The following SLC9A9 variants were observed in gnomAD, a reference collection of about 807,000 sequenced individuals.
SLC9A9 encodes the protein sodium/hydrogen exchanger 9.
Under a neutral mutation model 77.8 loss-of-function variants are expected in SLC9A9, and 62 were observed. The observed-to-expected ratio is 0.80, with a 90% confidence interval of 0.65 to 0.98. The LOEUF (loss-of-function observed/expected upper bound fraction) is 0.98, where lower values mean the gene tolerates loss of function less well. SLC9A9 is among the 50% of genes least tolerant of loss of function. SLC9A9 has a pLI of 0.00. For missense variants in SLC9A9, 775 were observed against 774.9 expected, an observed-to-expected ratio of 1.00 and a Z score of 0.00; for synonymous variants, 320 against 283.5, an observed-to-expected ratio of 1.13 and a Z score of -1.29.
chr3:143,646,922 G>C (rs1470504369), intron 6 of SLC9A9, among the ~76,000 whole-genome samples: 2 of 151,996 alleles, frequency 1.3e-5, no homozygotes, highest in African/African-American at 4.8e-5. Flanking sequence ...GGTTTAATTT[G>C]TTTTACTTCA....
intron 4 of SLC9A9, among the ~76,000 whole-genome samples, chr3:143,722,356 C>T (rs994002937): frequency 6.6e-6 from 1 of 150,636 alleles, no homozygotes; most frequent in African/African-American, 2.4e-5. Flanking sequence ...ACCTGTAGTC[C>T]CAGTTACCCG....
intron 13 of SLC9A9, among the ~76,000 whole-genome samples, chr3:143,369,284 T>C (rs2032988312): frequency 6.6e-6 from 1 of 152,194 alleles, no homozygotes; most frequent in Admixed American, 6.5e-5. Context: ...TATTTTTTCC[T>C]TTAAAACATG....
rs115271829 is a variant in SLC9A9 at position 143,810,386 on chromosome 3, C to T, written c.379-13483G>A. Among the ~76,000 whole-genome samples the T allele has an allele frequency of 9.1e-3, 1,392 of 152,314 alleles. 20 individuals are homozygous for T. The highest frequency in any genetic ancestry group is 0.031 in the African/African-American group (1,305 of 41,560). ...ACTAAATAAATAATCACTAAAACAA[C>T]CATCCTAGTGAGGGATTGTGATTTA... On this transcript the variant is annotated intron_variant, in intron 2 of 15. Transcript: ENST00000316549.
chr3:143,840,229 T>TATAAGATAGTA (rs71140456), intron 1 of SLC9A9, among the ~76,000 whole-genome samples: 134,969 of 151,656 alleles, frequency 0.89, 61,282 homozygotes, highest in South Asian at 0.99. Context: ...AGCATTGTCA[T>TATAAGATAGTA]ATAAGATAGT....
At chr3:143,516,228 T>G (rs1422370604) in intron 9 of SLC9A9, among the ~76,000 whole-genome samples, 1 of 142,496 alleles carries the variant, frequency 7.0e-6, no homozygotes, top group Non-Finnish European at 1.6e-5. Context: ...CTTATAGCAT[T>G]GCTTATTTTT....
chr3:143,586,234 C>G (rs550790491), intron 6 of SLC9A9, among the ~76,000 whole-genome samples: 4 of 152,354 alleles, frequency 2.6e-5, no homozygotes, highest in African/African-American at 9.6e-5. Flanking sequence ...GCTGGGGAGA[C>G]TTGCTGCTCT....
intron 1 of SLC9A9, among the ~76,000 whole-genome samples, chr3:143,840,677 C>T (rs2009684419): frequency 6.6e-6 from 1 of 152,204 alleles, no homozygotes; most frequent in Admixed American, 6.5e-5. Context: ...ATTTCAGAGG[C>T]TTCAAGGTAG....
At chr3:143,313,559 T>C (rs2031095858) in intron 14 of SLC9A9, among the ~76,000 whole-genome samples, 1 of 152,220 alleles carries the variant, frequency 6.6e-6, no homozygotes, top group Non-Finnish European at 1.5e-5. Flanking sequence ...GATTTCTTTA[T>C]GATCCCTTGC....
chr3:143,746,297 A>T (rs1046921481), intron 4 of SLC9A9, among the ~76,000 whole-genome samples: 10 of 152,168 alleles, frequency 6.6e-5, no homozygotes, highest in African/African-American at 2.4e-4. Context: ...CCGGCAGTTC[A>T]TTTATTCAAA....
chr3:143,665,508 AC>A (rs1288051637), intron 5 of SLC9A9, among the ~76,000 whole-genome samples: 1 of 152,230 alleles, frequency 6.6e-6, no homozygotes, highest in African/African-American at 2.4e-5. Flanking sequence ...AGATAGAGAC[AC>A]AAAAAACCCT....
chr3:143,391,674 C>A (rs116415925), intron 12 of SLC9A9, among the ~76,000 whole-genome samples: 9,124 of 152,086 alleles, frequency 0.06, 414 homozygotes, highest in African/African-American at 0.13. Context: ...GGAAGTTTGA[C>A]CCCCTGGCAA....
At chr3:143,515,272 C>G (rs1238226638) in intron 9 of SLC9A9, among the ~76,000 whole-genome samples, 1 of 152,066 alleles carries the variant, frequency 6.6e-6, no homozygotes, top group Non-Finnish European at 1.5e-5. Flanking sequence ...GATGACAGCT[C>G]ATCATAACAC....
chr3:143,848,152 C>T lies in SLC9A9; in HGVS notation c.171G>A (p.Val57=). Residue 57 remains valine, a synonymous_variant, in exon 1 of 16, where the codon GTG becomes GTA. Transcript: ENST00000316549. ...RFLHETGGAM[V]YGLIMGLILR... ...TCTCACAATTTATGCACTCACCATA[C>T]ACCATTGCTCCTCCAGTTTCATGCA... The T allele has an allele frequency of 6.2e-7, 1 of 1,613,474 alleles. No homozygotes were observed. The highest frequency in any genetic ancestry group is 1.1e-5 in the South Asian group (1 of 91,072).
intron 14 of SLC9A9, among the ~76,000 whole-genome samples, chr3:143,357,466 T>C (rs892952492): frequency 6.6e-6 from 1 of 152,160 alleles, no homozygotes; most frequent in African/African-American, 2.4e-5. Flanking sequence ...TCCTGCTTGC[T>C]ACTGAAAGTA....
intron 4 of SLC9A9, among the ~76,000 whole-genome samples, chr3:143,770,847 C>A (rs1301031534): frequency 2.0e-5 from 3 of 151,906 alleles, no homozygotes; most frequent in Admixed American, 1.3e-4. Context: ...AGGTAAAGCA[C>A]AAAAAGACAA....
intron 4 of SLC9A9, among the ~76,000 whole-genome samples, chr3:143,716,711 A>T (rs979384304): frequency 6.6e-6 from 1 of 152,214 alleles, no homozygotes; most frequent in South Asian, 2.1e-4. Context: ...AAAACAAAAC[A>T]AATCAATCCT....
intron 4 of SLC9A9, among the ~76,000 whole-genome samples, chr3:143,725,283 T>C (rs921100521): frequency 1.3e-5 from 2 of 152,128 alleles, no homozygotes; most frequent in Non-Finnish European, 2.9e-5. Context: ...TTTACACTGT[T>C]GGTGGGACTG....
At chr3:143,597,593 T>C (rs1411278012) in intron 6 of SLC9A9, among the ~76,000 whole-genome samples, 5 of 152,122 alleles carry the variant, frequency 3.3e-5, no homozygotes, top group Admixed American at 3.3e-4. Context: ...AATAAAACCA[T>C]ATTCACCCGC....
At chr3:143,325,512 T>C (rs1035760536) in intron 14 of SLC9A9, among the ~76,000 whole-genome samples, 1 of 152,256 alleles carries the variant, frequency 6.6e-6, no homozygotes, top group Admixed American at 6.5e-5. Context: ...CATCTGTCTC[T>C]GACTGCATGC....
Sources: gnomAD v4.1 joint callset for allele counts (sites outside exome capture counted in the v4.1 genomes callset) on GRCh38, gnomAD v4.1.1 for gene constraint, MANE v1.5 for transcripts, NCBI Gene and HGNC (gene_info 2026-07-23, HGNC 2026-07-21) for gene names.